The following PDLIM5 variants were observed in gnomAD, a reference collection of about 807,000 sequenced individuals.
PDLIM5 encodes the protein PDZ and LIM domain 5, also known as PDZ and LIM domain protein 5.
PDLIM5 carries 34 observed loss-of-function variants against 64.2 expected under a neutral mutation model. The ratio of observed to expected loss-of-function variants is 0.53; its 90% CI spans 0.40 to 0.71. The LOEUF (loss-of-function observed/expected upper bound fraction) is 0.71. Among genes scored for constraint, PDLIM5 ranks in the 30% least tolerant of loss-of-function variants. The pLI is 0.00. For synonymous variants in PDLIM5, 253 were observed against 269.1 expected, an observed-to-expected ratio of 0.94 and a Z score of 0.59; for missense variants, 683 against 733.6, an observed-to-expected ratio of 0.93 and a Z score of 0.80.
chr4:94,573,071 C>G (rs1214766467), intron 3 of PDLIM5, among the ~76,000 whole-genome samples: 1 of 152,146 alleles, frequency 6.6e-6, no homozygotes, highest in Admixed American at 6.5e-5. Context: ...CGGGTGCACT[C>G]ACAAACAGGA....
At chr4:94,632,539 T>A (rs902077231) in intron 8 of PDLIM5, among the ~76,000 whole-genome samples, 1 of 152,084 alleles carries the variant, frequency 6.6e-6, no homozygotes, top group Non-Finnish European at 1.5e-5. Context: ...TGTTGGGAGA[T>A]GTGTGGTAGG....
At chr4:94,563,333 A>G (rs1045076493) in intron 3 of PDLIM5, among the ~76,000 whole-genome samples, 2 of 152,208 alleles carry the variant, frequency 1.3e-5, no homozygotes, top group Non-Finnish European at 2.9e-5. Context: ...GACTTGGCCT[A>G]TGTATGGCTA....
chr4:94,469,960 A>ATTTTTTTT (rs34572366), intron 2 of PDLIM5, among the ~76,000 whole-genome samples: 60 of 71,470 alleles, frequency 8.4e-4, no homozygotes, highest in Non-Finnish European at 8.9e-4. Context: ...CATTCTTTTA[A>ATTTTTTTT]TTTTTTTTTT....
rs1743108308 is a variant in PDLIM5 at position 94,666,935 on chromosome 4, G to A, written c.*2868G>A. The stretch of plus-strand genomic sequence containing the variant: ...AGAAGAATCTCTCTGTTTCCCTTGG[G>A]GAATGCCATATTTAATTCACCAGCA... On this transcript the variant is annotated 3_prime_UTR_variant, in exon 13 of 13. Transcript: ENST00000317968. 6.6e-6 allele frequency: 1 copy of A among 152,082 alleles called. No individual in the cohort carries two copies. The allele number at this position is 152,082 out of a possible 1,614,324, so 9.4% of individuals were successfully genotyped here. A position where few individuals can be genotyped will look rare whatever the true frequency, so the allele number is the denominator to read the frequency against.
chr4:94,464,841 T>G, intron 2 of PDLIM5, among the ~76,000 whole-genome samples: 1 of 152,230 alleles, frequency 6.6e-6, no homozygotes, highest in East Asian at 1.9e-4. Flanking sequence ...TCTTTGCTAT[T>G]TTAGCAGACA....
intron 2 of PDLIM5, among the ~76,000 whole-genome samples, chr4:94,495,550 A>G (rs1360998415): frequency 6.6e-6 from 1 of 152,064 alleles, no homozygotes; most frequent in Non-Finnish European, 1.5e-5. Context: ...ATAAAGATGC[A>G]TATGCTAGGA....
intron 11 of PDLIM5, among the ~76,000 whole-genome samples, chr4:94,659,551 G>A (rs141451042): frequency 1.2e-4 from 17 of 140,174 alleles, no homozygotes; most frequent in East Asian, 4.7e-4. Context: ...TTGTTTAGAC[G>A]GAATCTTGCT....
chr4:94,589,459 A>C (rs1394462170), intron 7 of PDLIM5, among the ~76,000 whole-genome samples: 1 of 152,248 alleles, frequency 6.6e-6, no homozygotes, highest in Non-Finnish European at 1.5e-5. Context: ...AGCCAGGATC[A>C]TAAAGGACAT....
chr4:94,541,605 A>C (rs1013301629), intron 3 of PDLIM5, among the ~76,000 whole-genome samples: 2 of 152,228 alleles, frequency 1.3e-5, no homozygotes, highest in African/African-American at 4.8e-5. Context: ...CCCCAGGTTT[A>C]AATTTTAAAT....
Position 94,532,307 on chromosome 4 carries a change from T to A in PDLIM5, c.248+8432T>A, listed in dbSNP as rs573602241. ...ATGAAGGGACGGACGAACGTAGAAA[T>A]GAAAACTTTAGACAAAAGTAACTAT... On this transcript the variant is annotated intron_variant, in intron 3 of 12. Transcript: ENST00000317968. Among the ~76,000 whole-genome samples, 16 of 152,192 alleles carry A rather than the reference T, an allele frequency of 1.1e-4. No homozygotes were observed. The South Asian group carries it at 3.3e-3, about 32-fold the overall frequency.
rs1354345174 is a variant in PDLIM5 at position 94,664,400 on chromosome 4, A to T, written c.*333A>T. 1 of 762,292 alleles carries T rather than the reference A, an allele frequency of 1.3e-6. No individual in the cohort carries two copies. Among genetic ancestry groups the T allele is most frequent in the Non-Finnish European group, 1.6e-6 (1 of 625,162 alleles). The allele number at this position is 762,292 out of a possible 1,614,324, so 47.2% of individuals were successfully genotyped here. ...ATAAATAATCCAATCTGAAATAATT[A>T]TACCTTCTTTCCTTGTTAGGTAGTT... On this transcript the variant is annotated 3_prime_UTR_variant, in exon 13 of 13. Transcript: ENST00000317968.
At chr4:94,556,433 G>A (rs1733331534) in intron 3 of PDLIM5, among the ~76,000 whole-genome samples, 1 of 152,138 alleles carries the variant, frequency 6.6e-6, no homozygotes, top group Non-Finnish European at 1.5e-5. Context: ...TAATGGGATG[G>A]CTGGGTCAAA....
intron 2 of PDLIM5, among the ~76,000 whole-genome samples, chr4:94,512,619 GAT>G (rs1728990472): frequency 8.3e-6 from 1 of 120,238 alleles, no homozygotes; most frequent in Non-Finnish European, 1.6e-5. Flanking sequence ...TGGATTATTA[GAT>G]TTTTTTTTTC....
At position 94,573,569 on chromosome 4, in the gene PDLIM5, A is replaced by G. The variant is rs78410801; in HGVS notation, c.291+176A>G. 1.1e-3 allele frequency: 755 copies of G among 680,968 alleles called. 5 individuals carry two copies. The African/African-American group carries it at 0.012, about 11-fold the overall frequency. 42.2% of individuals were successfully genotyped at this position (680,968 alleles called of 1,614,324 possible). A position where few individuals can be genotyped will look rare whatever the true frequency, so the allele number is the denominator to read the frequency against. On this transcript the variant is annotated intron_variant, in intron 4 of 12. Coordinates refer to ENST00000317968, the MANE Select transcript of PDLIM5 (RefSeq NM_006457.5). ...AGGGAAATGGAGATCAGCACATACC[A>G]TTTGTAATTATACATGTTATAAAAC...
intron 7 of PDLIM5, among the ~76,000 whole-genome samples, chr4:94,603,042 C>G (rs1314521464): frequency 6.6e-6 from 1 of 151,926 alleles, no homozygotes; most frequent in East Asian, 1.9e-4. Context: ...CCTGGAAGAA[C>G]TTAGTTTGTT....
intron 2 of PDLIM5, among the ~76,000 whole-genome samples, chr4:94,497,519 A>G (rs1326709055): frequency 3.3e-5 from 5 of 152,182 alleles, no homozygotes; most frequent in East Asian, 1.9e-4. Context: ...TCATTTTGGA[A>G]AAATAAATTG....
chr4:94,523,392 A>C (rs539875069), intron 2 of PDLIM5, among the ~76,000 whole-genome samples: 1 of 152,236 alleles, frequency 6.6e-6, no homozygotes, highest in Non-Finnish European at 1.5e-5. Flanking sequence ...TTCTGCTAAA[A>C]TGTGAAGTTT....
intron 3 of PDLIM5, among the ~76,000 whole-genome samples, chr4:94,572,295 C>A (rs1018439735): frequency 5.3e-5 from 8 of 152,208 alleles, no homozygotes; most frequent in Non-Finnish European, 7.4e-5. Context: ...ATAACATATA[C>A]CTTAACACTA....
intron 9 of PDLIM5, among the ~76,000 whole-genome samples, chr4:94,650,154 G>A (rs1741728578): frequency 6.6e-6 from 1 of 152,162 alleles, no homozygotes; most frequent in Non-Finnish European, 1.5e-5. Flanking sequence ...GCAGTTTTGA[G>A]TATTCTAAGA....
Sources: gnomAD v4.1 joint callset for allele counts (sites outside exome capture counted in the v4.1 genomes callset) on GRCh38, gnomAD v4.1.1 for gene constraint, MANE v1.5 for transcripts, NCBI Gene and HGNC (gene_info 2026-07-23, HGNC 2026-07-21) for gene names.